Variants in UNC13C observed in about 807,000 individuals in gnomAD.
UNC13C encodes unc-13 homolog C, also known as protein unc-13 homolog C.
In UNC13C, 174 loss-of-function variants were observed where a neutral mutation model predicts 245.4. The ratio of observed to expected loss-of-function variants is 0.71; its 90% CI spans 0.63 to 0.80. The LOEUF (loss-of-function observed/expected upper bound fraction) is 0.80, where lower values mean the gene tolerates loss of function less well. Ranked by LOEUF, UNC13C falls within the 30% of genes least tolerant of loss-of-function variation. UNC13C has a pLI of 0.00. For synonymous variants in UNC13C, 992 were observed against 895.1 expected, an observed-to-expected ratio of 1.11 and a Z score of -1.93; for missense variants, 2,829 against 2,602.9, an observed-to-expected ratio of 1.09 and a Z score of -1.89.
the UNC13C span, among the ~76,000 whole-genome samples, chr15:53,893,579 C>T: frequency 6.6e-6 from 1 of 152,212 alleles, no homozygotes; most frequent in Admixed American, 6.5e-5. Context: ...GGCAGTCTGG[C>T]CACAGCAGCC....
At chr15:53,967,173 T>C in the UNC13C span, among the ~76,000 whole-genome samples, 1 of 152,132 alleles carries the variant, frequency 6.6e-6, no homozygotes, top group Admixed American at 6.6e-5. Flanking sequence ...TTATGTTTTG[T>C]GAGCCTGTCT....
At chr15:54,365,435 T>A (rs1247265618) in intron 17 of UNC13C, among the ~76,000 whole-genome samples, 1 of 152,006 alleles carries the variant, frequency 6.6e-6, no homozygotes. Context: ...ACATATTCAG[T>A]CTATACAACT....
intron 19 of UNC13C, among the ~76,000 whole-genome samples, chr15:54,466,432 G>A (rs1333837520): frequency 1.3e-5 from 2 of 151,766 alleles, no homozygotes; most frequent in Middle Eastern, 3.2e-3. Flanking sequence ...AATATCTCAT[G>A]TACCCCATTA....
At chr15:54,234,611 C>T (rs2035640166) in intron 4 of UNC13C, among the ~76,000 whole-genome samples, 1 of 152,136 alleles carries the variant, frequency 6.6e-6, no homozygotes, top group Non-Finnish European at 1.5e-5. Context: ...GAAGCAGAAG[C>T]ACACAATAAC....
chr15:54,332,339 T>TGTGTGTGTGTGTGTG (rs763306749), intron 15 of UNC13C, among the ~76,000 whole-genome samples: 2 of 91,004 alleles, frequency 2.2e-5, no homozygotes, highest in African/African-American at 8.6e-5. Flanking sequence ...GTGTGTGTGT[T>TGTGTGTGTGTGTGTG]TGTGTATGCA....
At chr15:54,079,478 A>T (rs1260120104) in intron 2 of UNC13C, among the ~76,000 whole-genome samples, 1 of 151,942 alleles carries the variant, frequency 6.6e-6, no homozygotes. Flanking sequence ...TGTATCACTT[A>T]TGATTTCTTT....
chr15:54,016,468 A>G (rs1436999937), intron 2 of UNC13C, among the ~76,000 whole-genome samples: 2 of 152,202 alleles, frequency 1.3e-5, no homozygotes, highest in Non-Finnish European at 2.9e-5. Context: ...GGAGAGCAAT[A>G]GAGCCAAGGC....
In UNC13C at chr15:54,251,987, A is replaced by G. The variant is rs2036163645; in HGVS notation, c.3448+1543A>G. Among the ~76,000 whole-genome samples the G allele has an allele frequency of 2.6e-5, 4 of 152,212 alleles. 1 individual carries two copies. The highest frequency in any genetic ancestry group is 2.6e-4 in the Admixed American group (4 of 15,288). On this transcript the variant is annotated intron_variant, in intron 8 of 32. Transcript: ENST00000260323. ...ATTCTTTATTTGAAAAATAAGAAGT[A>G]TAGTTAAGAATAATTATTTTAAAGG...
At chr15:54,317,977 A>T (rs2038052659) in intron 13 of UNC13C, among the ~76,000 whole-genome samples, 1 of 152,012 alleles carries the variant, frequency 6.6e-6, no homozygotes, top group Non-Finnish European at 1.5e-5. Context: ...CATATGAGTG[A>T]GATCATGCTG....
chr15:54,199,056 T>G (rs1018769145), intron 4 of UNC13C, among the ~76,000 whole-genome samples: 2 of 151,628 alleles, frequency 1.3e-5, no homozygotes, highest in African/African-American at 4.8e-5. Context: ...CACTGGAAAC[T>G]CTCAGCAATA....
At chr15:53,965,353 T>C in the UNC13C span, among the ~76,000 whole-genome samples, 1 of 152,070 alleles carries the variant, frequency 6.6e-6, no homozygotes, top group African/African-American at 2.4e-5. Flanking sequence ...ATTTGAACTC[T>C]TTTTAAACAC....
chr15:53,885,045 C>A, the UNC13C span, among the ~76,000 whole-genome samples: 2 of 152,204 alleles, frequency 1.3e-5, no homozygotes, highest in African/African-American at 2.4e-5. Context: ...AACTTTATCA[C>A]ACAAAGAGTG....
chr15:54,579,976 T>G (rs951162398), intron 30 of UNC13C, among the ~76,000 whole-genome samples: 1 of 152,232 alleles, frequency 6.6e-6, no homozygotes, highest in African/African-American at 2.4e-5. Flanking sequence ...TTACTGCTGT[T>G]TGTTTTGTTT....
chr15:54,227,948 G>A lies in UNC13C; in HGVS notation c.3072-7082G>A, dbSNP rs182547901. Among the ~76,000 whole-genome samples the A allele has an allele frequency of 1.7e-3, 264 of 152,294 alleles. 1 individual carries two copies. The highest frequency in any genetic ancestry group is 0.015 in the Admixed American group (235 of 15,300). ...TCCTTCCCTTCAGGATAGTGAGTTC[G>A]CTCTCATTGCTGGTGGGTCCAGAGA... is the stretch of plus-strand genomic sequence containing the variant. On this transcript the variant is annotated intron_variant, in intron 4 of 32. Transcript: ENST00000260323.
chr15:54,290,783 G>A (rs1448487041), intron 10 of UNC13C, among the ~76,000 whole-genome samples: 1 of 152,006 alleles, frequency 6.6e-6, no homozygotes, highest in East Asian at 1.9e-4. Context: ...TTTTTCTTGT[G>A]AAGGAATAGA....
In UNC13C at chr15:54,626,992, T is replaced by C; in HGVS notation, c.6524T>C (p.Ile2175Thr). The C allele has an allele frequency of 6.2e-7, 1 of 1,613,444 alleles. No homozygotes were observed. The highest frequency in any genetic ancestry group is 8.5e-7 in the Non-Finnish European group (1 of 1,179,600). Residue 2175 changes from isoleucine (I) to threonine (T), a missense_variant, in exon 33 of 33, where the codon ATC (isoleucine) becomes ACC (threonine). Physicochemically the swap from Ile to Thr is moderately conservative, Grantham distance 89. Transcript: ENST00000260323. ...GCATGGTATCCTCTTCTGAAAAATA[T>C]CTCTATGGATGAAACTGGTTTGACT... ...YGAWYPLLKN[I>T]SMDETGLTIL...
At chr15:54,467,103 C>CA in intron 19 of UNC13C, among the ~76,000 whole-genome samples, 1 of 151,868 alleles carries the variant, frequency 6.6e-6, no homozygotes, top group East Asian at 1.9e-4. Context: ...TTTCTGGGCA[C>CA]AAAACCATAT....
At chr15:54,028,964 T>A (rs74016055) in intron 2 of UNC13C, among the ~76,000 whole-genome samples, 6,491 of 152,238 alleles carry the variant, frequency 0.043, 300 homozygotes, top group African/African-American at 0.11. Flanking sequence ...CAGTAAGTAA[T>A]CAGTAGGGAG....
chr15:54,597,502 G>A (rs541614678), intron 30 of UNC13C, among the ~76,000 whole-genome samples: 30 of 152,204 alleles, frequency 2.0e-4, no homozygotes, highest in African/African-American at 4.6e-4. Flanking sequence ...CTCCAGATAC[G>A]TCTGGGGTAA....
Sources: gnomAD v4.1 joint callset for allele counts (sites outside exome capture counted in the v4.1 genomes callset) on GRCh38, gnomAD v4.1.1 for gene constraint, MANE v1.5 for transcripts, NCBI Gene and HGNC (gene_info 2026-07-23, HGNC 2026-07-21) for gene names.